Variants in TTN observed in about 807,000 individuals in gnomAD.
TTN encodes the protein titin, also known as connectin.
TTN carries 1,525 observed loss-of-function variants against 3,223.0 expected under a neutral mutation model. The observed-to-expected ratio is 0.47, with a 90% CI of 0.45 to 0.49. The LOEUF (loss-of-function observed/expected upper bound fraction) is 0.49, where lower values mean the gene tolerates loss of function less well. Ranked by LOEUF, TTN falls within the 20% of genes least tolerant of loss-of-function variation. TTN has a pLI of 0.00. For synonymous variants in TTN, 14,094 were observed against 15,161.0 expected (o/e 0.93, Z 5.17); for missense variants, 40,786 against 43,424.0 (o/e 0.94, Z 5.40).
intron 109 of TTN, 72 bp from the exon 110 acceptor site, chr2:178,701,659 G>T: frequency 1.4e-6 from 2 of 1,419,820 alleles, no homozygotes; most frequent in South Asian, 1.2e-5. Context: ...AGGTGTGTTT[G>T]ATTTATTAGA....
At chr2:178,692,726 G>T in intron 119 of TTN, 146 bp from the exon 120 acceptor site, 2 of 584,458 alleles carry the variant, frequency 3.4e-6, no homozygotes, top group Non-Finnish European at 5.7e-6. Context: ...AAATGAAGAT[G>T]GCTGAATGGC....
At chr2:178,674,179 G>C in intron 151 of TTN, 135 bp downstream of exon 151, 5 of 622,782 alleles carry the variant, frequency 8.0e-6, no homozygotes, top group Non-Finnish European at 1.4e-5. Flanking sequence ...AGATTCAGGT[G>C]CCAGGAATAA....
chr2:178,619,317 A>G (rs2057902350), intron 250 of TTN: 1 of 432,004 alleles, frequency 2.3e-6, no homozygotes, highest in Non-Finnish European at 4.1e-6. Flanking sequence ...AAAGTAGGAG[A>G]GTATAAGACC....
intron 102 of TTN, 39 bp from the exon 103 acceptor site, chr2:178,705,396 T>G (rs1412167238): frequency 7.1e-7 from 1 of 1,401,770 alleles, no homozygotes; most frequent in Admixed American, 2.8e-5. Flanking sequence ...AACACCTGTC[T>G]TCTACTTATT....
Position 178,618,905 on chromosome 2 carries a change from C to G in TTN, c.46697-52G>C, listed in dbSNP as rs1044628382. ...CTTTCGACTATTAAACGTAGCCAAG[C>G]TACATCATGTTATTATGCATTTATT... On this transcript the variant is annotated intron_variant, in intron 250 of 362. Coordinates refer to ENST00000589042, the MANE Select transcript of TTN (RefSeq NM_001267550.2). 8 of 1,576,730 alleles carry G rather than the reference C, an allele frequency of 5.1e-6. No individual in the cohort carries two copies. The African/African-American group carries it at 1.1e-4, about 22-fold the overall frequency.
chr2:178,597,790 C>T lies in TTN; in HGVS notation c.57292G>A (p.Val19098Ile), dbSNP rs727503592. Residue 19098 changes from valine to isoleucine, a missense_variant, in exon 294 of 363, where the codon GTC becomes ATC. By Grantham distance (29) the Val-to-Ile change is conservative (BLOSUM62 3). Transcript: ENST00000589042. ...GCATGGACAACAATTCTATCTCTGA[C>T]ACTGGCATCTAGCTGAAGGTCAGGT... ...VSPDLQLDAS[V>I]RDRIVVHAGG... 13 of 1,613,212 alleles carry T rather than the reference C, an allele frequency of 8.1e-6. No homozygotes were observed. The highest frequency in any genetic ancestry group is 6.6e-5 in the South Asian group (6 of 91,054).
rs779893350 is a variant in TTN at position 178,611,415 on chromosome 2, C to G, written c.50814G>C (p.Glu16938Asp). The change falls in exon 269 of 363, where the codon GAG (glutamate) becomes GAC (aspartate). Residue 16938 changes from glutamate to aspartate, a missense_variant. Coordinates refer to ENST00000589042, the MANE Select transcript of TTN (RefSeq NM_001267550.2). ...VRAVNAIGVS[E>D]PSEISENVVA... ...CCACATTTTCAGAGATTTCAGATGGCTCGCTGACACCAATAGCATTGACTG... is the reference window on the plus strand; with the variant it reads ...CCACATTTTCAGAGATTTCAGATGGGTCGCTGACACCAATAGCATTGACTG... The G allele has an allele frequency of 6.2e-7, 1 of 1,612,902 alleles. No individual in the cohort carries two copies. Among genetic ancestry groups the G allele is most frequent in the Non-Finnish European group, 8.5e-7 (1 of 1,179,322 alleles).
At chr2:178,624,330 G>A in intron 242 of TTN, 135 bp downstream of exon 242, 1 of 1,034,440 alleles carries the variant, frequency 9.7e-7, no homozygotes, top group South Asian at 1.4e-5. Context: ...GATCAGGTTA[G>A]GTCAGTGTCA....
At chr2:178,782,671 A>G (rs1441482835) in intron 18 of TTN, 69 bp from the exon 19 acceptor site, 13 of 1,605,828 alleles carry the variant, frequency 8.1e-6, no homozygotes, top group African/African-American at 8.0e-5. Context: ...CTGACAGTTA[A>G]ATTGACCATA....
chr2:178,626,041 G>A (rs1009754945), intron 240 of TTN, among the ~76,000 whole-genome samples: 2 of 151,782 alleles, frequency 1.3e-5, no homozygotes, highest in African/African-American at 4.8e-5. Context: ...CCCCCATTCT[G>A]CCCCTGGGCT....
Position 178,714,477 on chromosome 2 carries a change from G to A in TTN, c.26297C>T (p.Ser8766Leu), listed in dbSNP as rs1368458893. 1 of 1,613,558 alleles carries A rather than the reference G, an allele frequency of 6.2e-7. No individual in the cohort carries two copies. Among genetic ancestry groups the A allele is most frequent in the Admixed American group, 1.7e-5 (1 of 59,992 alleles). Residue 8766 changes from serine (S) to leucine (L), a missense_variant, in exon 91 of 363, where the codon TCA becomes TTA. Transcript: ENST00000589042. ...TCCCTTATCTTTGAACCACACCACTGAAATGGGTTCAGCGCCTTCAATGGT... is the reference window on the plus strand; with the variant it reads ...TCCCTTATCTTTGAACCACACCACTAAAATGGGTTCAGCGCCTTCAATGGT... The part of the protein sequence containing the change: ...QTTIEGAEPI[S>L]VVWFKDKGEI...
chr2:178,771,478 A>G lies in TTN; in HGVS notation c.7856-7T>C, dbSNP rs771623848. ...GGCTTGGAGATGGCCCCACCTTTGG[A>G]ACAAGAGATGTACAGTATGAGTCCT... On this transcript the variant is annotated splice_region_variant and splice_polypyrimidine_tract_variant and intron_variant, in intron 33 of 362. Coordinates refer to ENST00000589042, the MANE Select transcript of TTN (RefSeq NM_001267550.2). 2.5e-6 allele frequency: 4 copies of G among 1,613,766 alleles called. No homozygotes were observed. Among genetic ancestry groups the G allele is most frequent in the Non-Finnish European group, 3.4e-6 (4 of 1,179,824 alleles).
At position 178,671,968 on chromosome 2, in the gene TTN, T is replaced by C. The variant is rs1577214679; in HGVS notation, c.35227+3A>G. 1.3e-6 allele frequency: 2 copies of C among 1,591,344 alleles called. No individual in the cohort carries two copies. The highest frequency in any genetic ancestry group is 2.2e-5 in the East Asian group (1 of 44,666). On this transcript the variant is annotated splice_donor_region_variant and intron_variant, in intron 155 of 362. Transcript: ENST00000589042. ...TTTGTAGTATTTGAAGAATTCCCTA[T>C]ACCTTTAGGTGGAGCTTTTGGTTTT...
chr2:178,610,354 C>T lies in TTN; in HGVS notation c.51172G>A (p.Asp17058Asn). 5 of 1,612,704 alleles carry T rather than the reference C, an allele frequency of 3.1e-6. No homozygotes were observed. The highest frequency in any genetic ancestry group is 4.2e-6 in the Non-Finnish European group (5 of 1,179,134). ...AACTTACAAGAACTCTTGGTAATGT[C>T]ACTTGCTTTAATATCTTTGCATGGT... ...PGPCKDIKASDITKSSCKLTW... is the reference protein window; with the variant it reads ...PGPCKDIKASNITKSSCKLTW... The change falls in exon 271 of 363, where the codon GAC (aspartate) becomes AAC (asparagine). Residue 17058 changes from aspartate (D) to asparagine (N), a missense_variant. Transcript: ENST00000589042.
chr2:178,574,398 G>C lies in TTN; in HGVS notation c.71734C>G (p.Pro23912Ala), dbSNP rs773568399. The C allele has an allele frequency of 1.2e-6, 2 of 1,613,370 alleles. No individual in the cohort carries two copies. The highest frequency in any genetic ancestry group is 1.7e-5 in the Admixed American group (1 of 59,966). ...IAENMAGKSK[P>A]SKPSEPMLAL... ...AACATAGGTTCTGATGGCTTGCTTG[G>C]CTTACTTTTGCCTGCCATGTTTTCT... Residue 23912 changes from proline (P) to alanine (A), a missense_variant, in exon 326 of 363, where the codon CCA (proline) becomes GCA (alanine). Pro to Ala is a conservative substitution (Grantham distance 27). Coordinates refer to ENST00000589042, the MANE Select transcript of TTN (RefSeq NM_001267550.2).
rs766554662 is a variant in TTN, at chr2:178,613,868, C to T, written c.49415G>A (p.Cys16472Tyr). 6 of 1,611,792 alleles carry T rather than the reference C, an allele frequency of 3.7e-6. No individual in the cohort carries two copies. Among genetic ancestry groups the T allele is most frequent in the African/African-American group, 1.3e-5 (1 of 74,794 alleles). ...ITKDAVTLTW[C>Y]EPDDDGGSPI... ...GCTGCCACCATCATCATCTGGCTCA[C>T]ACCATGTGAGAGTCACTGCGTCTTT... is the stretch of plus-strand genomic sequence containing the variant. Residue 16472 changes from cysteine (C) to tyrosine (Y), a missense_variant, in exon 263 of 363, where the codon TGT becomes TAT. Physicochemically the swap from Cys to Tyr is radical, Grantham distance 194. Coordinates refer to ENST00000589042, the MANE Select transcript of TTN (RefSeq NM_001267550.2).
In TTN at chr2:178,554,055, C is replaced by T; in HGVS notation, c.89056G>A (p.Glu29686Lys). ...TTTTGTCTGGTGTCACGGATAGTCT[C>T]TTTTAGTACTTTAAACCATCCTAGG... ...KSLGWFKVLK[E>K]TIRDTRQKVT... The change falls in exon 333 of 363, where the codon GAG becomes AAG. Residue 29686 changes from glutamate (E) to lysine (K), a missense_variant. Transcript: ENST00000589042. The T allele has an allele frequency of 6.2e-7, 1 of 1,613,852 alleles. No homozygotes were observed. Among genetic ancestry groups the T allele is most frequent in the East Asian group, 2.2e-5 (1 of 44,874 alleles).
At chr2:178,624,908 G>C (rs2058804225) in intron 241 of TTN, among the ~76,000 whole-genome samples, 177 bp from the exon 242 acceptor site, 1 of 151,858 alleles carries the variant, frequency 6.6e-6, no homozygotes, top group African/African-American at 2.4e-5. Context: ...TATTTGTACA[G>C]ACAAGAGGAA....
In TTN at chr2:178,592,161, C is replaced by A; in HGVS notation, c.59743G>T (p.Glu19915Ter). The part of the protein sequence containing the change: ...GGSVITNYVV[E>*]RRDVASAQWS... ...TGGGCGCTGGCAACATCTCTCCTCT[C>A]AACCACATAATTGGTAATAACAGAA... is the stretch of plus-strand genomic sequence containing the variant. The change falls in exon 302 of 363, where the codon GAG becomes TAG. Residue 19915 changes from glutamate (E) to a stop codon, truncating the protein, a stop_gained. Transcript: ENST00000589042. LOFTEE classifies it high-confidence loss of function. 1 of 1,612,870 alleles carries A rather than the reference C, an allele frequency of 6.2e-7. No homozygotes were observed. Among genetic ancestry groups the A allele is most frequent in the Non-Finnish European group, 8.5e-7 (1 of 1,179,454 alleles).
Sources: gnomAD v4.1 joint callset for allele counts (sites outside exome capture counted in the v4.1 genomes callset) on GRCh38, gnomAD v4.1.1 for gene constraint, MANE v1.5 for transcripts, NCBI Gene and HGNC (gene_info 2026-07-23, HGNC 2026-07-21) for gene names.